Variants in NCOR2 observed in about 807,000 individuals in gnomAD.
NCOR2 encodes the protein CTG repeat protein 26.
In NCOR2, 81 loss-of-function variants were observed where a neutral mutation model predicts 262.9. The observed-to-expected ratio is 0.31, with a 90% CI of 0.26 to 0.37. The LOEUF is 0.37. NCOR2 is among the 10% of genes least tolerant of loss of function. NCOR2 has a pLI of 1.00. For synonymous variants in NCOR2, 1,659 were observed against 1,559.3 expected, an observed-to-expected ratio of 1.06 and a Z score of -1.51; for missense variants, 3,385 against 3,621.4, an observed-to-expected ratio of 0.93 and a Z score of 1.68.
intron 1 of NCOR2, among the ~76,000 whole-genome samples, chr12:124,494,648 C>T (rs1264301173): frequency 5.3e-5 from 8 of 152,188 alleles, no homozygotes; most frequent in Non-Finnish European, 7.3e-5. Flanking sequence ...GTCAGGGAGG[C>T]AGAAACGCAA....
At chr12:124,328,848 G>A (rs1256272574) in intron 44 of NCOR2, 1 of 236,724 alleles carries the variant, frequency 4.2e-6, no homozygotes, top group East Asian at 1.2e-4. Flanking sequence ...CTGGCTGCCT[G>A]CGTTTTCTTT....
intron 22 of NCOR2, 111 bp downstream of exon 24, chr12:124,362,015 C>T (rs1244067): frequency 0.092 from 94,182 of 1,029,252 alleles, 9,362 homozygotes; most frequent in East Asian, 0.59. Context: ...ACTTTGCTTT[C>T]CCTGCCACTG....
intron 1 of NCOR2, among the ~76,000 whole-genome samples, chr12:124,507,716 C>A (rs1182312752): frequency 6.6e-6 from 1 of 152,258 alleles, no homozygotes; most frequent in East Asian, 1.9e-4. Context: ...TTCAGAGGGG[C>A]CCCTGGACCC....
chr12:124,547,394 T>C (rs1321064447), intron 1 of NCOR2, among the ~76,000 whole-genome samples: 1 of 152,178 alleles, frequency 6.6e-6, no homozygotes, highest in African/African-American at 2.4e-5. Context: ...AGATGGAGTG[T>C]ATATAGGGTT....
In NCOR2 at chr12:124,372,338, TCTC is replaced by T. The variant is rs766101119; in HGVS notation, c.2488_2490del (p.Glu830del). ...TCCTCCACTGGGGGCGCTGCTGCGGTCTCCTCCTCCTTCTCCTCCTTGGGGACC... is the reference window on the plus strand; with the variant it reads ...TCCTCCACTGGGGGCGCTGCTGCGGTCTCCTCCTTCTCCTCCTTGGGGACC... On this transcript the variant is annotated inframe_deletion, in exon 20 of 47. Coordinates refer to ENST00000405201, the Ensembl canonical transcript of NCOR2. 14 of 1,518,666 alleles carry T rather than the reference TCTC, an allele frequency of 9.2e-6. No individual in the cohort carries two copies. The African/African-American group carries it at 1.7e-4, about 18-fold the overall frequency. 94.1% of individuals were successfully genotyped at this position (1,518,666 alleles called of 1,614,324 possible). A position where few individuals can be genotyped will look rare whatever the true frequency, so the allele number is the denominator to read the frequency against.
In NCOR2 at chr12:124,454,439, C is replaced by T. The variant is rs1447716314; in HGVS notation, c.762+2667G>A. Among the ~76,000 whole-genome samples, 1 of 152,156 alleles carries T rather than the reference C, an allele frequency of 6.6e-6. No individual in the cohort carries two copies. Among genetic ancestry groups the T allele is most frequent in the East Asian group, 1.9e-4 (1 of 5,186 alleles). On this transcript the variant is annotated intron_variant, in intron 6 of 46. Coordinates refer to ENST00000405201, the Ensembl canonical transcript of NCOR2. The surrounding 1 kb of genome is among the most constrained non-coding windows in gnomAD (Gnocchi z 5.6). ...ACCAGAGAAGACTCACTGTGGGGTC[C>T]CTGGTTCCAAAGCTTCTGACACCAG...
At chr12:124,410,055 C>T (rs901553091) in intron 13 of NCOR2, among the ~76,000 whole-genome samples, 2 of 151,336 alleles carry the variant, frequency 1.3e-5, no homozygotes, top group African/African-American at 2.4e-5. Context: ...CCACCCATCC[C>T]CCAGGGACAA....
chr12:124,518,700 CCGA>C (rs1047826600), intron 1 of NCOR2, among the ~76,000 whole-genome samples: 7 of 152,276 alleles, frequency 4.6e-5, no homozygotes, highest in Non-Finnish European at 8.8e-5. Flanking sequence ...GGGCTTCCAG[CCGA>C]CACTCGGGAG....
chr12:124,523,211 G>GAGCTGGC lies in NCOR2; in HGVS notation c.-118+12347_-118+12353dup, dbSNP rs1466598713. Among the ~76,000 whole-genome samples the GAGCTGGC allele has an allele frequency of 1.3e-5, 2 of 152,208 alleles. No individual in the cohort carries two copies. Among genetic ancestry groups the GAGCTGGC allele is most frequent in the South Asian group, 4.1e-4 (2 of 4,830 alleles). ...GGCCGCCCCCACCCACAGCAGCTGT[G>GAGCTGGC]AGCTGGCAGCTGGCAGAGTTAATTG... On this transcript the variant is annotated intron_variant, in intron 1 of 46. Transcript: ENST00000404621. The surrounding 1 kb of genome is among the most constrained non-coding windows in gnomAD (Gnocchi z 4.0).
intron 13 of NCOR2, among the ~76,000 whole-genome samples, chr12:124,403,197 CCT>C (rs1191195639): frequency 3.3e-5 from 5 of 152,156 alleles, no homozygotes; most frequent in Non-Finnish European, 4.4e-5. Flanking sequence ...GGGGGATGCC[CCT>C]GATTCCCCAG....
intron 1 of NCOR2, among the ~76,000 whole-genome samples, chr12:124,534,360 G>A (rs1308899280): frequency 6.6e-6 from 1 of 152,072 alleles, no homozygotes; most frequent in Non-Finnish European, 1.5e-5. Flanking sequence ...AGGAGGCTGA[G>A]GCAGGAGAAT....
intron 5 of NCOR2, among the ~76,000 whole-genome samples, chr12:124,460,752 G>C (rs2046120758): frequency 6.6e-6 from 1 of 152,202 alleles, no homozygotes; most frequent in Non-Finnish European, 1.5e-5. Flanking sequence ...AATCCACACA[G>C]TTCTAGGCAA....
chr12:124,567,009 G>A (rs2052264945), intron 1 of NCOR2, among the ~76,000 whole-genome samples: 1 of 152,124 alleles, frequency 6.6e-6, no homozygotes, highest in Non-Finnish European at 1.5e-5. Flanking sequence ...CACACTGTGG[G>A]GGGCCGCTCT....
intron 31 of NCOR2, 140 bp from the exon 34 acceptor site, chr12:124,345,091 G>A (rs2036800082): frequency 2.5e-6 from 2 of 792,814 alleles, no homozygotes; most frequent in Admixed American, 2.9e-5. Context: ...GGGAGACAGA[G>A]GGCTTTGCTA....
At chr12:124,425,780 T>C (rs549679179) in intron 11 of NCOR2, among the ~76,000 whole-genome samples, 28 of 152,276 alleles carry the variant, frequency 1.8e-4, no homozygotes, top group Admixed American at 6.5e-4. Context: ...CCATTCCAGC[T>C]GGAGGAGTCT....
intron 3 of NCOR2, among the ~76,000 whole-genome samples, chr12:124,473,794 T>C (rs1387584159): frequency 6.6e-6 from 1 of 152,056 alleles, no homozygotes; most frequent in Non-Finnish European, 1.5e-5. Context: ...GGTATGTCTT[T>C]ATCAGCAGCA....
At chr12:124,391,838 T>A (rs1220485918) in intron 16 of NCOR2, among the ~76,000 whole-genome samples, 2 of 152,254 alleles carry the variant, frequency 1.3e-5, no homozygotes, top group East Asian at 3.8e-4. Flanking sequence ...GACCTGGCGC[T>A]GTCTCGCCTA....
exon 47 of NCOR2, chr12:124,325,391 C>CCCCCCCCA: frequency 2.7e-6 from 3 of 1,128,206 alleles, no homozygotes; most frequent in Non-Finnish European, 2.3e-6. Flanking sequence ...CCCCCCCCGC[C>CCCCCCCCA]CTGTTCTGAG....
chr12:124,489,186 C>T (rs904099593), intron 1 of NCOR2, among the ~76,000 whole-genome samples: 6 of 152,006 alleles, frequency 3.9e-5, no homozygotes, highest in Admixed American at 6.6e-5. Flanking sequence ...AGCTGGAATA[C>T]GCCCAGGCTG....
Sources: gnomAD v4.1 joint callset for allele counts (sites outside exome capture counted in the v4.1 genomes callset) on GRCh38, gnomAD v4.1.1 for gene constraint, Gnocchi (gnomAD v3.1) non-coding constraint, MANE v1.5 for transcripts, NCBI Gene and HGNC (gene_info 2026-07-23, HGNC 2026-07-21) for gene names.